ST7: variants seen among roughly 807,000 people sequenced by gnomAD.
The protein encoded by ST7 is suppressor of tumorigenicity 7 protein.
A neutral mutation model predicts 78.7 loss-of-function variants in ST7; 28 were observed. The observed-to-expected ratio is 0.36, with a 90% CI of 0.26 to 0.49. The LOEUF (loss-of-function observed/expected upper bound fraction) is 0.49. Ranked by LOEUF, ST7 falls within the 20% of genes least tolerant of loss-of-function variation. The pLI is 0.99. For synonymous variants in ST7, 247 were observed against 249.6 expected, an observed-to-expected ratio of 0.99 and a Z score of 0.10; for missense variants, 418 against 696.0, an observed-to-expected ratio of 0.60 and a Z score of 4.49.
intron 12 of ST7, among the ~76,000 whole-genome samples, chr7:117,209,476 T>C (rs973845051): frequency 1.3e-5 from 2 of 152,260 alleles, no homozygotes; most frequent in African/African-American, 4.8e-5. Flanking sequence ...CTTCCAAAAT[T>C]ATACCAAATT....
Position 117,054,443 on chromosome 7 carries a change from A to G in ST7, c.152-45319A>G, listed in dbSNP as rs535659530. ...GTGCCTGTGACACAATGCGTCGCAC[A>G]TGCATCCCGGAGGTGGAGGTGGGTA... On this transcript the variant is annotated intron_variant, in intron 1 of 15. Coordinates refer to ENST00000323984, the MANE Select transcript of ST7 (RefSeq NM_001369598.1). Among the ~76,000 whole-genome samples, 8 of 152,318 alleles carry G rather than the reference A, an allele frequency of 5.3e-5. No individual in the cohort carries two copies. The East Asian group carries it at 1.5e-3, about 29-fold the overall frequency.
intron 2 of ST7, among the ~76,000 whole-genome samples, chr7:117,104,201 G>A (rs989196151): frequency 2.0e-5 from 3 of 152,214 alleles, no homozygotes; most frequent in African/African-American, 4.8e-5. Flanking sequence ...AGCACTTTGG[G>A]AGGCAGAGGC....
intron 10 of ST7, among the ~76,000 whole-genome samples, chr7:117,176,888 T>A (rs1808379858): frequency 6.6e-6 from 1 of 152,232 alleles, no homozygotes; most frequent in Admixed American, 6.5e-5. Flanking sequence ...GAAGATTTGG[T>A]ATGCTGTCAG....
chr7:117,097,892 ATATATATATATATATATT>A (rs1428035075), intron 1 of ST7, among the ~76,000 whole-genome samples: 1 of 20,698 alleles, frequency 4.8e-5, no homozygotes, highest in Non-Finnish European at 9.2e-5. Context: ...ATATATATAT[ATATATATATATATATATT>A]TTTTTTTTTT....
chr7:117,223,313 T>C, intron 15 of ST7: 1 of 275,926 alleles, frequency 3.6e-6, no homozygotes, highest in Non-Finnish European at 6.9e-6. Flanking sequence ...CGTCTTTCTT[T>C]TATACTGACA....
intron 12 of ST7, among the ~76,000 whole-genome samples, chr7:117,197,514 AAGATTATAGC>A (rs1810428610): frequency 6.6e-6 from 1 of 152,236 alleles, no homozygotes; most frequent in South Asian, 2.1e-4. Flanking sequence ...CTTGCCAAAA[AAGATTATAGC>A]AGTTTAAATC....
intron 1 of ST7, among the ~76,000 whole-genome samples, chr7:117,046,663 T>G (rs1217002021): frequency 1.3e-5 from 2 of 152,134 alleles, no homozygotes; most frequent in African/African-American, 4.8e-5. Context: ...ATATAACAAG[T>G]AAATGTTTAT....
At chr7:117,085,777 T>C (rs1481518194) in intron 1 of ST7, among the ~76,000 whole-genome samples, 1 of 152,024 alleles carries the variant, frequency 6.6e-6, no homozygotes, top group Non-Finnish European at 1.5e-5. Flanking sequence ...ATTCTGGAAA[T>C]GAAACTCAGA....
chr7:117,001,107 C>T (rs765242708), intron 1 of ST7, among the ~76,000 whole-genome samples: 5 of 152,078 alleles, frequency 3.3e-5, no homozygotes, highest in African/African-American at 4.8e-5. Flanking sequence ...GCAGTGAAAC[C>T]GGCACCTTAT....
intron 12 of ST7, among the ~76,000 whole-genome samples, chr7:117,202,998 C>T (rs1260474439): frequency 1.3e-5 from 2 of 152,160 alleles, no homozygotes; most frequent in Non-Finnish European, 2.9e-5. Context: ...AAAATCAGCT[C>T]TCTGTATATG....
intron 1 of ST7, among the ~76,000 whole-genome samples, chr7:116,978,567 A>G (rs1041394953): frequency 4.0e-5 from 6 of 150,432 alleles, no homozygotes; most frequent in African/African-American, 1.5e-4. Context: ...CATATCATAC[A>G]TTCTATCTAT....
rs1238918763 is a variant in ST7 at position 117,230,061 on chromosome 7, A to G, written c.*204A>G. On this transcript the variant is annotated 3_prime_UTR_variant, in exon 16 of 16. Coordinates refer to ENST00000323984, the MANE Select transcript of ST7 (RefSeq NM_001369598.1). Reference sequence around the variant, plus strand: ...CAGTTCTATTTTATTTTGCCTTCAGAAAAGAAGAAAGTCAAAAATAAAACT... The same window carrying G: ...CAGTTCTATTTTATTTTGCCTTCAGGAAAGAAGAAAGTCAAAAATAAAACT... 1 of 717,286 alleles carries G rather than the reference A, an allele frequency of 1.4e-6. No homozygotes were observed. The highest frequency in any genetic ancestry group is 1.8e-5 in the African/African-American group (1 of 56,966). The allele number at this position is 717,286 out of a possible 1,614,324, so 44.4% of individuals were successfully genotyped here. A position where few individuals can be genotyped will look rare whatever the true frequency, so the allele number is the denominator to read the frequency against.
chr7:116,994,909 CT>C (rs756371070), intron 1 of ST7, among the ~76,000 whole-genome samples: 8 of 152,046 alleles, frequency 5.3e-5, no homozygotes, highest in African/African-American at 1.9e-4. Flanking sequence ...ACTTTTCACT[CT>C]TTTTTTTACC....
intron 7 of ST7, among the ~76,000 whole-genome samples, chr7:117,134,728 A>T (rs997928604): frequency 7.9e-5 from 12 of 151,994 alleles, no homozygotes; most frequent in Non-Finnish European, 1.6e-4. Flanking sequence ...TATTTTCTCC[A>T]GTGAATCACT....
At chr7:117,030,488 A>G (rs1317735754) in intron 1 of ST7, among the ~76,000 whole-genome samples, 1 of 152,200 alleles carries the variant, frequency 6.6e-6, no homozygotes, top group African/African-American at 2.4e-5. Context: ...TTGTTTATAC[A>G]TACAGGCAAA....
chr7:117,044,810 A>T (rs1282114685), intron 1 of ST7, among the ~76,000 whole-genome samples: 1 of 152,164 alleles, frequency 6.6e-6, no homozygotes, highest in East Asian at 1.9e-4. Flanking sequence ...TCCCGAATTC[A>T]TATCTCTAGT....
intron 1 of ST7, chr7:116,955,242 T>G: frequency 2.5e-6 from 1 of 394,290 alleles, no homozygotes; most frequent in South Asian, 2.0e-5. Flanking sequence ...ACGTATTTGT[T>G]GGTAACAGTG....
At chr7:117,080,734 G>C (rs1368710603) in intron 1 of ST7, 3 of 152,086 alleles carry the variant, frequency 2.0e-5, no homozygotes, top group Non-Finnish European at 2.9e-5. Context: ...CAAATTTCAG[G>C]CTTTTAATTT....
chr7:117,140,413 A>G (rs1388950375), intron 9 of ST7, among the ~76,000 whole-genome samples: 1 of 152,166 alleles, frequency 6.6e-6, no homozygotes, highest in Non-Finnish European at 1.5e-5. Context: ...ATTGGGGATA[A>G]TGATTCTTAC....
Sources: allele counts gnomAD v4.1 joint callset (sites outside exome capture counted in the v4.1 genomes callset), GRCh38; gene constraint gnomAD v4.1.1; transcripts MANE v1.5; gene names NCBI Gene and HGNC (gene_info 2026-07-23, HGNC 2026-07-21).